The following HERC3 variants were observed in gnomAD, a reference collection of about 807,000 sequenced individuals.
The protein encoded by HERC3 is HECT and RLD domain containing E3 ubiquitin protein ligase 3, also known as probable E3 ubiquitin-protein ligase HERC3.
In HERC3, 58 loss-of-function variants were observed where a neutral mutation model predicts 129.9. The observed-to-expected ratio is 0.45, with a 90% confidence interval of 0.36 to 0.56. The LOEUF (loss-of-function observed/expected upper bound fraction) is 0.56, where lower values mean the gene tolerates loss of function less well. HERC3 is among the 20% of genes least tolerant of loss of function. HERC3 has a pLI of 0.00. For synonymous variants in HERC3, 430 were observed against 451.0 expected, an observed-to-expected ratio of 0.95 and a Z score of 0.59; for missense variants, 835 against 1,244.2, an observed-to-expected ratio of 0.67 and a Z score of 4.95.
At chr4:88,575,486 C>T in the HERC3 span, among the ~76,000 whole-genome samples, 1 of 152,184 alleles carries the variant, frequency 6.6e-6, no homozygotes, top group Non-Finnish European at 1.5e-5. Flanking sequence ...TGGTACAAGG[C>T]TGCAGTGCTT....
At chr4:88,618,829 C>T (rs932696174) in intron 3 of HERC3, among the ~76,000 whole-genome samples, 4 of 152,180 alleles carry the variant, frequency 2.6e-5, no homozygotes, top group Non-Finnish European at 4.4e-5. Context: ...CATTTAACTG[C>T]CTTGATTTAG....
chr4:88,588,062 C>A (rs1721576211), upstream of HERC3, among the ~76,000 whole-genome samples: 1 of 152,200 alleles, frequency 6.6e-6, no homozygotes, highest in South Asian at 2.1e-4. Flanking sequence ...ATCCTGTTAT[C>A]ATTAATACAT....
At chr4:88,609,112 C>CAA (rs35489177) in intron 3 of HERC3, among the ~76,000 whole-genome samples, 1,310 of 89,604 alleles carry the variant, frequency 0.015, 40 homozygotes, top group African/African-American at 0.044. Context: ...CATACAGATG[C>CAA]AAAAAAAAAA....
At chr4:88,601,794 C>T (rs1442493689) in intron 2 of HERC3, among the ~76,000 whole-genome samples, 2 of 91,536 alleles carry the variant, frequency 2.2e-5, no homozygotes, top group East Asian at 4.2e-4. Context: ...CGGTGGCTTA[C>T]GCCTGTAATC....
chr4:88,628,046 A>G (rs770902047), intron 3 of HERC3, among the ~76,000 whole-genome samples: 2 of 152,220 alleles, frequency 1.3e-5, no homozygotes, highest in Admixed American at 6.5e-5. Context: ...GTGTATTTAT[A>G]AATGTCAATT....
intron 14 of HERC3, among the ~76,000 whole-genome samples, chr4:88,668,294 T>A (rs1731251872): frequency 6.6e-6 from 1 of 152,230 alleles, no homozygotes; most frequent in Non-Finnish European, 1.5e-5. Context: ...AAATGACTCA[T>A]GCCAGAATAA....
chr4:88,540,550 C>T, the HERC3 span, among the ~76,000 whole-genome samples: 6 of 152,162 alleles, frequency 3.9e-5, no homozygotes, highest in African/African-American at 7.2e-5. Context: ...GAACTTCCCT[C>T]ACCTAGGAAG....
At chr4:88,661,038 AC>A (rs1730441978) in intron 10 of HERC3, among the ~76,000 whole-genome samples, 1 of 152,106 alleles carries the variant, frequency 6.6e-6, no homozygotes, top group African/African-American at 2.4e-5. Flanking sequence ...CTTGTACTTC[AC>A]CCAAGGCATC....
intron 2 of HERC3, among the ~76,000 whole-genome samples, chr4:88,602,471 A>G (rs1723115228): frequency 6.6e-6 from 1 of 151,612 alleles, no homozygotes; most frequent in Non-Finnish European, 1.5e-5. Context: ...CTTAAGACCA[A>G]TCTTCTGCAT....
Position 88,674,920 on chromosome 4 carries a change from A to G in HERC3, c.1912-1298A>G, listed in dbSNP as rs116011503. 2.5e-3 allele frequency among the ~76,000 whole-genome samples: 378 copies of G among 152,330 alleles called. 3 individuals carry two copies. The highest frequency in any genetic ancestry group is 8.9e-3 in the African/African-American group (369 of 41,572). ...AGATTTTAATTAAAATTGCTTATAA[A>G]TGATTTTATTTAAATATCCATAAGG... On this transcript the variant is annotated intron_variant, in intron 16 of 25. Transcript: ENST00000402738.
At chr4:88,581,690 G>A in the HERC3 span, among the ~76,000 whole-genome samples, 1 of 152,090 alleles carries the variant, frequency 6.6e-6, no homozygotes, top group Non-Finnish European at 1.5e-5. Context: ...GGGCCCAAGT[G>A]ATCTGCCTGC....
intron 3 of HERC3, among the ~76,000 whole-genome samples, chr4:88,623,243 G>C (rs576505135): frequency 1.3e-5 from 2 of 152,106 alleles, no homozygotes; most frequent in Non-Finnish European, 2.9e-5. Context: ...AAAAAGTTTC[G>C]CAAGGGATTC....
chr4:88,660,189 G>A (rs1464832321), intron 10 of HERC3, among the ~76,000 whole-genome samples: 1 of 151,744 alleles, frequency 6.6e-6, no homozygotes, highest in African/African-American at 2.4e-5. Context: ...AAAAGCACCT[G>A]TATAGTTACA....
rs1043658115 is a variant in HERC3 at position 88,647,062 on chromosome 4, A to G, written c.227-2778A>G. ...CCTTTACCTTGCAAAAATGTAAGGAATGCTATCAAAGGAGCTCAGGTGCGG... is the reference window on the plus strand; with the variant it reads ...CCTTTACCTTGCAAAAATGTAAGGAGTGCTATCAAAGGAGCTCAGGTGCGG... On this transcript the variant is annotated intron_variant, in intron 3 of 25. Transcript: ENST00000402738. Among the ~76,000 whole-genome samples, 5 of 152,168 alleles carry G rather than the reference A, an allele frequency of 3.3e-5. No individual in the cohort carries two copies. In the South Asian group the frequency reaches 8.3e-4, roughly 25 times the overall value.
At chr4:88,630,822 T>A (rs2149239471) in intron 3 of HERC3, among the ~76,000 whole-genome samples, 1 of 152,314 alleles carries the variant, frequency 6.6e-6, no homozygotes, top group South Asian at 2.1e-4. Context: ...TTATTCTTTA[T>A]TAAAAATCCC....
chr4:88,624,951 G>A (rs1189006612), intron 3 of HERC3, among the ~76,000 whole-genome samples: 1 of 152,086 alleles, frequency 6.6e-6, no homozygotes, highest in African/African-American at 2.4e-5. Flanking sequence ...TTATTGAAAA[G>A]ACTGTATATC....
intron 3 of HERC3, among the ~76,000 whole-genome samples, chr4:88,647,463 G>A (rs1340761156): frequency 3.3e-5 from 5 of 152,102 alleles, no homozygotes; most frequent in Non-Finnish European, 7.4e-5. Context: ...GGTACAAGGT[G>A]GAAATTTGGT....
At chr4:88,528,584 CTG>C in the HERC3 span, among the ~76,000 whole-genome samples, 2 of 152,214 alleles carry the variant, frequency 1.3e-5, no homozygotes, top group Non-Finnish European at 1.5e-5. Context: ...AAGAGACAAG[CTG>C]AAGAGGGTCC....
intron 3 of HERC3, among the ~76,000 whole-genome samples, 199 bp downstream of exon 3, chr4:88,606,248 CTTTTCT>C (rs1301220102): frequency 1.4e-5 from 2 of 143,918 alleles, no homozygotes; most frequent in Admixed American, 6.8e-5. Context: ...CTTTTCTTTT[CTTTTCT>C]TTTTTTTTTT....
Sources: gnomAD v4.1 joint callset for allele counts (sites outside exome capture counted in the v4.1 genomes callset) on GRCh38, gnomAD v4.1.1 for gene constraint, MANE v1.5 for transcripts, NCBI Gene and HGNC (gene_info 2026-07-23, HGNC 2026-07-21) for gene names.